Variants in SUGCT observed in about 807,000 individuals in gnomAD.
The protein encoded by SUGCT is succinyl-CoA:glutarate-CoA transferase, also known as succinyl-CoA:glutarate CoA-transferase.
A neutral mutation model predicts 55.0 loss-of-function variants in SUGCT; 41 were observed. The ratio of observed to expected loss-of-function variants is 0.74; its 90% confidence interval spans 0.58 to 0.97. The LOEUF (loss-of-function observed/expected upper bound fraction) is 0.97. Among genes scored for constraint, SUGCT ranks in the 50% least tolerant of loss-of-function variants. The probability of loss-of-function intolerance (pLI) is 0.00; values close to 1 mark genes in which losing one functional copy is unlikely to be tolerated. For missense variants in SUGCT, 568 were observed against 547.8 expected, an observed-to-expected ratio of 1.04 and a Z score of -0.37; for synonymous variants, 187 against 200.4, an observed-to-expected ratio of 0.93 and a Z score of 0.56.
At chr7:40,278,126 A>G (rs549937896) in intron 8 of SUGCT, among the ~76,000 whole-genome samples, 1 of 152,264 alleles carries the variant, frequency 6.6e-6, no homozygotes, top group South Asian at 2.1e-4. Context: ...AAGGATATGA[A>G]CAGACACTTC....
intron 12 of SUGCT, among the ~76,000 whole-genome samples, chr7:40,612,294 C>T (rs1465177698): frequency 1.3e-5 from 2 of 152,066 alleles, no homozygotes; most frequent in Admixed American, 6.5e-5. Context: ...ATAGTAAGTG[C>T]CCTGGAATGC....
At chr7:40,857,946 C>G (rs1024851821) in intron 13 of SUGCT, among the ~76,000 whole-genome samples, 1 of 152,138 alleles carries the variant, frequency 6.6e-6, no homozygotes, top group Non-Finnish European at 1.5e-5. Flanking sequence ...TTGAACCCAA[C>G]AGACGTGAAA....
chr7:40,594,869 T>C (rs1217954415), intron 12 of SUGCT, among the ~76,000 whole-genome samples: 1 of 152,152 alleles, frequency 6.6e-6, no homozygotes, highest in African/African-American at 2.4e-5. Flanking sequence ...CTGCTCACCT[T>C]AACCCTTCAA....
At chr7:40,604,056 G>A (rs751368936) in intron 12 of SUGCT, among the ~76,000 whole-genome samples, 5 of 152,052 alleles carry the variant, frequency 3.3e-5, no homozygotes, top group Non-Finnish European at 5.9e-5. Context: ...GTTCCCTCCT[G>A]CTTCTAGACC....
the SUGCT span, among the ~76,000 whole-genome samples, chr7:40,884,165 G>T: frequency 2.0e-5 from 3 of 152,234 alleles, no homozygotes; most frequent in African/African-American, 7.2e-5. Flanking sequence ...ATTTATGCTT[G>T]AAGAGTCCAC....
At chr7:40,437,198 G>C (rs181566820) in intron 9 of SUGCT, among the ~76,000 whole-genome samples, 127 of 152,242 alleles carry the variant, frequency 8.3e-4, no homozygotes, top group African/African-American at 2.9e-3. Flanking sequence ...ATATGAGGCA[G>C]TTGCCCATTT....
At position 40,681,586 on chromosome 7, in the gene SUGCT, C is replaced by G. The variant is rs552430489; in HGVS notation, c.1090-67848C>G. The stretch of plus-strand genomic sequence containing the variant: ...AGGGCAGCTGATGCTTCTTTCTCTC[C>G]TGAACTCCTCAATGGCTTGCAGGTA... On this transcript the variant is annotated intron_variant, in intron 12 of 13. Transcript: ENST00000335693. Among the ~76,000 whole-genome samples, 3 of 152,264 alleles carry G rather than the reference C, an allele frequency of 2.0e-5. No homozygotes were observed. In the South Asian group the frequency reaches 6.2e-4, roughly 32 times the overall value.
At chr7:40,785,065 TACACCCCTCCA>T (rs1303443653) in intron 13 of SUGCT, 1 of 152,162 alleles carries the variant, frequency 6.6e-6, no homozygotes, top group Non-Finnish European at 1.5e-5. Flanking sequence ...CATTTCCTCC[TACACCCCTCCA>T]ACATTTATAC....
chr7:40,360,197 A>G (rs922848190), intron 9 of SUGCT, among the ~76,000 whole-genome samples: 6 of 152,172 alleles, frequency 3.9e-5, no homozygotes, highest in African/African-American at 1.4e-4. Flanking sequence ...TATTTTTAGT[A>G]GAGGCAGGGT....
the SUGCT span, among the ~76,000 whole-genome samples, chr7:40,916,626 G>T: frequency 1.3e-5 from 2 of 152,182 alleles, no homozygotes; most frequent in Admixed American, 1.3e-4. Flanking sequence ...GAATCAGTAA[G>T]CTGACATTTT....
At chr7:40,707,021 A>G (rs1206487843) in intron 12 of SUGCT, among the ~76,000 whole-genome samples, 7 of 152,140 alleles carry the variant, frequency 4.6e-5, no homozygotes, top group South Asian at 4.1e-4. Flanking sequence ...TCACTCTTGG[A>G]ACAAGAGCAT....
chr7:40,426,207 A>G lies in SUGCT; in HGVS notation c.817-23080A>G, dbSNP rs145467989. 7.5e-3 allele frequency among the ~76,000 whole-genome samples: 1,136 copies of G among 152,276 alleles called. 14 individuals are homozygous for G. Among genetic ancestry groups the G allele is most frequent in the African/African-American group, 0.026 (1,078 of 41,566 alleles). On this transcript the variant is annotated intron_variant, in intron 9 of 13. Transcript: ENST00000335693. ...CAATTTAGGATAACATTTTAGTCCA[A>G]ACAAGTCTTGGGGGTACTTACTGGA...
chr7:40,415,238 C>G (rs1443363293), intron 9 of SUGCT, among the ~76,000 whole-genome samples: 1 of 141,262 alleles, frequency 7.1e-6, no homozygotes, highest in Non-Finnish European at 1.5e-5. Context: ...CCACTGCACT[C>G]CAACGTGGAG....
chr7:40,830,586 C>T (rs947196731), intron 13 of SUGCT, among the ~76,000 whole-genome samples: 4 of 152,192 alleles, frequency 2.6e-5, no homozygotes, highest in African/African-American at 4.8e-5. Flanking sequence ...AGAAACTTCC[C>T]TGATCACTCC....
At chr7:40,332,890 G>C (rs1156841929) in intron 9 of SUGCT, among the ~76,000 whole-genome samples, 2 of 152,194 alleles carry the variant, frequency 1.3e-5, no homozygotes, top group Non-Finnish European at 2.9e-5. Context: ...GGAGGGAGTA[G>C]TGACAGGAGA....
chr7:40,699,307 C>A (rs1785073708), intron 12 of SUGCT, among the ~76,000 whole-genome samples: 1 of 152,016 alleles, frequency 6.6e-6, no homozygotes, highest in African/African-American at 2.4e-5. Flanking sequence ...TATGTTGAAA[C>A]AAGCTGCTAA....
chr7:40,218,923 G>C (rs1339405785), intron 6 of SUGCT, among the ~76,000 whole-genome samples: 1 of 152,198 alleles, frequency 6.6e-6, no homozygotes, highest in East Asian at 1.9e-4. Flanking sequence ...ACCCGAGCCA[G>C]TGGCGGAAAT....
chr7:40,243,537 G>T (rs1046213905), intron 7 of SUGCT, among the ~76,000 whole-genome samples: 20 of 152,006 alleles, frequency 1.3e-4, no homozygotes, highest in African/African-American at 4.3e-4. Flanking sequence ...AACAACATTG[G>T]AAAACTCATG....
intron 12 of SUGCT, among the ~76,000 whole-genome samples, chr7:40,643,934 G>T (rs1280108540): frequency 6.6e-6 from 1 of 152,204 alleles, no homozygotes; most frequent in Non-Finnish European, 1.5e-5. Flanking sequence ...CTGCGGGCAG[G>T]ACATGTTCTT....
Sources: allele counts gnomAD v4.1 joint callset (sites outside exome capture counted in the v4.1 genomes callset), GRCh38; gene constraint gnomAD v4.1.1; transcripts MANE v1.5; gene names NCBI Gene and HGNC (gene_info 2026-07-23, HGNC 2026-07-21).